The following PCMTD1 variants were observed in gnomAD, a reference collection of about 807,000 sequenced individuals.
PCMTD1 encodes the protein protein-L-isoaspartate O-methyltransferase domain-containing protein 1.
Under a neutral mutation model 37.6 loss-of-function variants are expected in PCMTD1, and 12 were observed. The ratio of observed to expected loss-of-function variants is 0.32; its 90% CI spans 0.20 to 0.52. The LOEUF (loss-of-function observed/expected upper bound fraction) is 0.52, where lower values mean the gene tolerates loss of function less well. Among genes scored for constraint, PCMTD1 ranks in the 20% least tolerant of loss-of-function variants. PCMTD1 has a pLI of 0.97. For synonymous variants in PCMTD1, 117 were observed against 135.8 expected, an observed-to-expected ratio of 0.86 and a Z score of 0.96; for missense variants, 235 against 421.3, an observed-to-expected ratio of 0.56 and a Z score of 3.87.
chr8:51,842,186 T>A (rs2038156251), intron 3 of PCMTD1, among the ~76,000 whole-genome samples: 1 of 152,130 alleles, frequency 6.6e-6, no homozygotes, highest in Non-Finnish European at 1.5e-5. Context: ...GTACAGTAAA[T>A]CTAGTGCTAT....
rs1490120141 is a variant in PCMTD1, at chr8:51,820,078, T to C, written c.*273A>G. On this transcript the variant is annotated 3_prime_UTR_variant, in exon 6 of 6. Transcript: ENST00000522514. ...CTGTAAGGAATCAGAAAAGGATTTA[T>C]AGTACACAAGTCTTGACTACTGTTG... The C allele has an allele frequency of 3.0e-5, 7 of 231,776 alleles. No individual in the cohort carries two copies. Among genetic ancestry groups the C allele is most frequent in the Admixed American group, 5.3e-5 (1 of 18,766 alleles). 14.4% of individuals were successfully genotyped at this position (231,776 alleles called of 1,614,324 possible). A position where few individuals can be genotyped will look rare whatever the true frequency, so the allele number is the denominator to read the frequency against.
intron 1 of PCMTD1, among the ~76,000 whole-genome samples, chr8:51,873,283 T>C (rs2038663755): frequency 6.6e-6 from 1 of 152,210 alleles, no homozygotes. Flanking sequence ...AATAAAGGGA[T>C]ATTTCAATCT....
chr8:51,866,061 C>T (rs1174837457), intron 1 of PCMTD1, among the ~76,000 whole-genome samples: 2 of 150,724 alleles, frequency 1.3e-5, no homozygotes, highest in Non-Finnish European at 1.5e-5. Context: ...ATCCCATTTA[C>T]AACAACATCA....
In PCMTD1 at chr8:51,869,312, G is replaced by C. The variant is rs1004928660; in HGVS notation, c.-95-8066C>G. On this transcript the variant is annotated intron_variant, in intron 1 of 5. Transcript: ENST00000522514. ...TCTAAGATAATCTCATTTCAATCAT[G>C]GAAAAGTCAAATACAAGTCAAGAGA... Among the ~76,000 whole-genome samples the C allele has an allele frequency of 4.6e-5, 7 of 152,064 alleles. No homozygotes were observed. In the East Asian group the frequency reaches 1.3e-3, roughly 29 times the overall value.
Position 51,831,369 on chromosome 8 carries a change from T to C in PCMTD1, c.706+75A>G, listed in dbSNP as rs569508202. On this transcript the variant is annotated intron_variant, in intron 5 of 5. Coordinates refer to ENST00000522514, the MANE Select transcript of PCMTD1 (RefSeq NM_052937.4). The stretch of plus-strand genomic sequence containing the variant: ...AAGTATTTAATTCTTCATAATTACA[T>C]AGTCTTAAATCCCAAGCATAAAAGC... 23 of 1,365,360 alleles carry C rather than the reference T, an allele frequency of 1.7e-5. No individual in the cohort carries two copies. The East Asian group carries it at 2.6e-4, about 15-fold the overall frequency. 84.6% of individuals were successfully genotyped at this position (1,365,360 alleles called of 1,614,324 possible). A position where few individuals can be genotyped will look rare whatever the true frequency, so the allele number is the denominator to read the frequency against.
intron 5 of PCMTD1, among the ~76,000 whole-genome samples, chr8:51,826,014 G>T (rs2037916529): frequency 6.6e-6 from 1 of 152,096 alleles, no homozygotes; most frequent in South Asian, 2.1e-4. Flanking sequence ...CCATTACTGG[G>T]TATATACCCA....
intron 1 of PCMTD1, among the ~76,000 whole-genome samples, chr8:51,888,850 G>T (rs1342396334): frequency 6.6e-6 from 1 of 152,038 alleles, no homozygotes; most frequent in African/African-American, 2.4e-5. Context: ...AGTGGCTGAG[G>T]GTCATTATGA....
intron 5 of PCMTD1, among the ~76,000 whole-genome samples, chr8:51,826,133 T>A (rs2037918006): frequency 6.6e-6 from 1 of 152,138 alleles, no homozygotes; most frequent in Non-Finnish European, 1.5e-5. Context: ...ATCAATGATA[T>A]GCTGGATAAA....
At chr8:51,859,240 TC>T (rs1260079502) in intron 2 of PCMTD1, among the ~76,000 whole-genome samples, 2 of 148,346 alleles carry the variant, frequency 1.3e-5, no homozygotes, top group South Asian at 2.1e-4. Context: ...AATTCCCCCC[TC>T]TTTTTTTTTT....
chr8:51,880,176 G>A (rs139695179), intron 1 of PCMTD1, among the ~76,000 whole-genome samples: 2 of 151,128 alleles, frequency 1.3e-5, no homozygotes, highest in East Asian at 3.9e-4. Flanking sequence ...CTCCAGCCTG[G>A]GCAACACAGC....
chr8:51,869,403 C>T (rs954690263), intron 1 of PCMTD1, among the ~76,000 whole-genome samples: 3 of 152,142 alleles, frequency 2.0e-5, no homozygotes, highest in Non-Finnish European at 4.4e-5. Flanking sequence ...CCCAAAATGT[C>T]GTTTCCTCAC....
intron 1 of PCMTD1, among the ~76,000 whole-genome samples, chr8:51,885,928 T>C (rs754309678): frequency 6.6e-6 from 1 of 152,248 alleles, no homozygotes; most frequent in Non-Finnish European, 1.5e-5. Flanking sequence ...GACATTACTA[T>C]AATTTCTCCT....
chr8:51,867,258 C>CGA (rs2038568402), intron 1 of PCMTD1, among the ~76,000 whole-genome samples: 1 of 152,026 alleles, frequency 6.6e-6, no homozygotes, highest in Non-Finnish European at 1.5e-5. Flanking sequence ...AAAATTAATA[C>CGA]AGCTTTATGA....
rs1304096478 is a variant in PCMTD1 at position 51,884,322 on chromosome 8, C to T, written c.-96+14608G>A. ...TTTATATTTCAGTATGAGAGAATAC[C>T]GGAAGCAAGCAGGAAATAGCCACTA... On this transcript the variant is annotated intron_variant, in intron 1 of 5. Transcript: ENST00000522514. 7.2e-5 allele frequency among the ~76,000 whole-genome samples: 11 copies of T among 152,072 alleles called. No individual in the cohort carries two copies. The East Asian group carries it at 1.3e-3, about 19-fold the overall frequency.
intron 1 of PCMTD1, among the ~76,000 whole-genome samples, chr8:51,897,539 G>A (rs2129297399): frequency 6.6e-6 from 1 of 152,142 alleles, no homozygotes; most frequent in East Asian, 1.9e-4. Context: ...AAACCAAAAA[G>A]TAAACTAATT....
At chr8:51,857,889 A>G (rs2395825) in intron 2 of PCMTD1, among the ~76,000 whole-genome samples, 108,351 of 152,144 alleles carry the variant, frequency 0.71, 43,507 homozygotes, top group Non-Finnish European at 0.9. Context: ...CTACTCAGGA[A>G]GCTGAGGCGG....
At chr8:51,842,332 T>C (rs2038159182) in intron 3 of PCMTD1, among the ~76,000 whole-genome samples, 2 of 151,920 alleles carry the variant, frequency 1.3e-5, no homozygotes, top group African/African-American at 4.8e-5. Context: ...CATAAAAACA[T>C]GTTTGTATTT....
intron 2 of PCMTD1, 88 bp from the exon 3 acceptor site, chr8:51,845,851 A>T: frequency 1.2e-6 from 1 of 814,728 alleles, no homozygotes; most frequent in South Asian, 1.8e-5. Flanking sequence ...TATACATCAC[A>T]GGAGTATTTA....
intron 2 of PCMTD1, chr8:51,850,200 G>A: frequency 1.6e-6 from 1 of 628,540 alleles, no homozygotes; most frequent in Non-Finnish European, 2.8e-6. Flanking sequence ...GGTTCCCACT[G>A]TATAATAGTA....
Sources: allele counts gnomAD v4.1 joint callset (sites outside exome capture counted in the v4.1 genomes callset), GRCh38; gene constraint gnomAD v4.1.1; transcripts MANE v1.5; gene names NCBI Gene and HGNC (gene_info 2026-07-23, HGNC 2026-07-21).